CDKN2B-AS1: variants seen among roughly 807,000 people sequenced by gnomAD.
The protein encoded by CDKN2B-AS1 is CDKN2B antisense RNA 1 (non-protein coding).
At chr9:22,048,496 T>C (rs754592862) in intron 2 of CDKN2B-AS1, among the ~76,000 whole-genome samples, 18 of 152,192 alleles carry the variant, frequency 1.2e-4, no homozygotes, top group Non-Finnish European at 2.4e-4. Flanking sequence ...ACTGGATTTT[T>C]TCATTTTGCA....
intron 4 of CDKN2B-AS1, among the ~76,000 whole-genome samples, chr9:22,099,722 T>A (rs1403343963): frequency 6.7e-6 from 1 of 149,020 alleles, no homozygotes; most frequent in Non-Finnish European, 1.5e-5. Context: ...CACATTTAGA[T>A]CCTGATGTGG....
chr9:22,084,224 C>A (rs979406069), intron 4 of CDKN2B-AS1, among the ~76,000 whole-genome samples: 1 of 152,168 alleles, frequency 6.6e-6, no homozygotes, highest in African/African-American at 2.4e-5. Flanking sequence ...GAGCCCAAGT[C>A]TCTTTCTGAC....
chr9:22,081,346 A>G (rs891948630), intron 4 of CDKN2B-AS1, among the ~76,000 whole-genome samples: 1 of 148,438 alleles, frequency 6.7e-6, no homozygotes, highest in Non-Finnish European at 1.5e-5. Flanking sequence ...TTAACTCTCT[A>G]GAATCGATTC....
At chr9:22,008,945 C>T in intron 1 of CDKN2B-AS1, 1 of 1,613,060 alleles carries the variant, frequency 6.2e-7, no homozygotes. Flanking sequence ...CCTTGTTCTC[C>T]TCGCGCATTC....
chr9:22,036,180 C>A (rs1001826832), intron 1 of CDKN2B-AS1, among the ~76,000 whole-genome samples: 4 of 152,054 alleles, frequency 2.6e-5, no homozygotes, highest in Non-Finnish European at 5.9e-5. Flanking sequence ...GGTCAAAATT[C>A]ACTTTTCTCC....
chr9:22,095,161 G>T (rs1195864807), intron 4 of CDKN2B-AS1, among the ~76,000 whole-genome samples: 1 of 144,762 alleles, frequency 6.9e-6, no homozygotes, highest in Non-Finnish European at 1.5e-5. Flanking sequence ...CTGCCTGATT[G>T]TTCCTCTGGA....
At chr9:22,070,518 T>A (rs1295133731) in intron 4 of CDKN2B-AS1, among the ~76,000 whole-genome samples, 1 of 152,174 alleles carries the variant, frequency 6.6e-6, no homozygotes, top group Non-Finnish European at 1.5e-5. Flanking sequence ...CAGGGAAGAT[T>A]TCCCAGGGAA....
At chr9:22,009,960 T>G (rs1332637143) in intron 1 of CDKN2B-AS1, among the ~76,000 whole-genome samples, 3 of 151,992 alleles carry the variant, frequency 2.0e-5, no homozygotes, top group Non-Finnish European at 4.4e-5. Flanking sequence ...AGTTCGAGAT[T>G]GAGAGTGGCA....
chr9:22,068,619 T>C (rs1824163600), intron 4 of CDKN2B-AS1, among the ~76,000 whole-genome samples: 1 of 152,172 alleles, frequency 6.6e-6, no homozygotes, highest in South Asian at 2.1e-4. Flanking sequence ...TCCAGTGACG[T>C]AGTGTGTGGT....
In CDKN2B-AS1 at chr9:22,025,969, CT is replaced by C. The variant is rs781199557; in HGVS notation, n.30-20781del. 1.5e-3 allele frequency among the ~76,000 whole-genome samples: 232 copies of C among 152,258 alleles called. 1 individual carries two copies. The highest frequency in any genetic ancestry group is 3.4e-3 in the Middle Eastern group (1 of 294). On this transcript the variant is annotated intron_variant and non_coding_transcript_variant, in intron 1 of 4. Transcript: ENST00000650946. ...CAAATATGGTGGGCTGCTCCTCTCC[CT>C]GGGACAAAGGTCCCATGGAAGTCTG... is the stretch of plus-strand genomic sequence containing the variant.
Position 22,005,872 on chromosome 9 carries a change from C to A in CDKN2B-AS1, n.29+10711C>A, listed in dbSNP as rs932285174. The A allele has an allele frequency of 2.9e-6, 4 of 1,385,404 alleles. No individual in the cohort carries two copies. Among genetic ancestry groups the A allele is most frequent in the Non-Finnish European group, 4.0e-6 (4 of 1,012,076 alleles). 85.8% of individuals were successfully genotyped at this position (1,385,404 alleles called of 1,614,324 possible). A position where few individuals can be genotyped will look rare whatever the true frequency, so the allele number is the denominator to read the frequency against. ...TTCCTGTGAGTCTCAGACAGGCTTG[C>A]AGGCTTACAGGCTTTCCGCCGCTCC... On this transcript the variant is annotated intron_variant and non_coding_transcript_variant, in intron 1 of 4. Transcript: ENST00000650946. The surrounding 1 kb of genome is among the most constrained non-coding windows in gnomAD (Gnocchi z 4.9).
intron 4 of CDKN2B-AS1, among the ~76,000 whole-genome samples, chr9:22,096,820 C>A (rs1424384331): frequency 6.6e-6 from 1 of 152,150 alleles, no homozygotes; most frequent in Non-Finnish European, 1.5e-5. Flanking sequence ...CTCCACCTGG[C>A]CTTCTCCAGC....
intron 1 of CDKN2B-AS1, among the ~76,000 whole-genome samples, chr9:22,036,007 C>A (rs1822672876): frequency 1.3e-5 from 2 of 152,098 alleles, no homozygotes. Context: ...TCAGTTTCCA[C>A]TATTGGAAGG....
At chr9:22,049,149 T>C (rs1823232438) in exon 3 of CDKN2B-AS1, 1 of 152,048 alleles carries the variant, frequency 6.6e-6, no homozygotes, top group Admixed American at 6.6e-5. Context: ...CTTTCCCGAG[T>C]CAGTACTGCT....
At chr9:22,127,022 T>C (rs1309398068) in intron 4 of CDKN2B-AS1, among the ~76,000 whole-genome samples, 1 of 152,212 alleles carries the variant, frequency 6.6e-6, no homozygotes, top group Non-Finnish European at 1.5e-5. Flanking sequence ...ACAAGATACT[T>C]TTTTGTTGTT....
chr9:22,042,106 TC>T (rs1219095663), intron 1 of CDKN2B-AS1, among the ~76,000 whole-genome samples: 1 of 152,022 alleles, frequency 6.6e-6, no homozygotes, highest in Non-Finnish European at 1.5e-5. Flanking sequence ...CACTGCTAGC[TC>T]ATTCACTGCT....
chr9:22,093,569 T>C (rs932306640), intron 4 of CDKN2B-AS1, among the ~76,000 whole-genome samples: 1 of 131,498 alleles, frequency 7.6e-6, no homozygotes, highest in Non-Finnish European at 1.5e-5. Flanking sequence ...CTTACCATTA[T>C]GTAATGGCCT....
In CDKN2B-AS1 at chr9:22,117,737, C is replaced by T. The variant is rs1054384517; in HGVS notation, n.439-9366C>T. On this transcript the variant is annotated intron_variant and non_coding_transcript_variant, in intron 4 of 4. Transcript: ENST00000650946. ...AAGGAATGTTTATTAGCAAGACTGACTGGGGTCACACCCAAGGCAATATCA... is the reference window on the plus strand; with the variant it reads ...AAGGAATGTTTATTAGCAAGACTGATTGGGGTCACACCCAAGGCAATATCA... 3.3e-5 allele frequency: 5 copies of T among 152,270 alleles called. No individual in the cohort carries two copies. The East Asian group carries it at 9.6e-4, about 29-fold the overall frequency. 9.4% of individuals were successfully genotyped at this position (152,270 alleles called of 1,614,324 possible). A position where few individuals can be genotyped will look rare whatever the true frequency, so the allele number is the denominator to read the frequency against.
At chr9:22,083,811 A>G (rs1043290398) in intron 4 of CDKN2B-AS1, among the ~76,000 whole-genome samples, 3 of 152,164 alleles carry the variant, frequency 2.0e-5, no homozygotes, top group Non-Finnish European at 4.4e-5. Flanking sequence ...CTGTGGATTT[A>G]GTTGGATATT....
Sources: allele counts gnomAD v4.1 joint callset (sites outside exome capture counted in the v4.1 genomes callset), GRCh38; gene constraint gnomAD v4.1.1; non-coding constraint Gnocchi (gnomAD v3.1); transcripts MANE v1.5; gene names NCBI Gene and HGNC (gene_info 2026-07-23, HGNC 2026-07-21).